Variants in MCTP1 observed in about 807,000 individuals in gnomAD.
The protein encoded by MCTP1 is multiple C2 and transmembrane domain containing 1.
Under a neutral mutation model 120.6 loss-of-function variants are expected in MCTP1, and 69 were observed. The observed-to-expected ratio is 0.57, with a 90% CI of 0.47 to 0.70. The LOEUF (loss-of-function observed/expected upper bound fraction) is 0.70. Among genes scored for constraint, MCTP1 ranks in the 30% least tolerant of loss-of-function variants. The probability of loss-of-function intolerance (pLI) is 0.00; values close to 1 mark genes in which losing one functional copy is unlikely to be tolerated. For missense variants in MCTP1, 1,203 were observed against 1,248.8 expected, an observed-to-expected ratio of 0.96 and a Z score of 0.55; for synonymous variants, 529 against 493.1, an observed-to-expected ratio of 1.07 and a Z score of -0.96.
intron 2 of MCTP1, among the ~76,000 whole-genome samples, chr5:94,999,600 C>G (rs993330017): frequency 6.6e-6 from 1 of 152,032 alleles, no homozygotes; most frequent in African/African-American, 2.4e-5. Flanking sequence ...TGCAAAGGCT[C>G]AATTAAAATT....
chr5:95,110,975 TC>T (rs1757408566), intron 1 of MCTP1, among the ~76,000 whole-genome samples: 1 of 152,152 alleles, frequency 6.6e-6, no homozygotes, highest in African/African-American at 2.4e-5. Flanking sequence ...AGTAGTAGGC[TC>T]CATGTGAGAG....
chr5:95,003,525 A>C (rs4307075), intron 2 of MCTP1, among the ~76,000 whole-genome samples: 11,264 of 152,274 alleles, frequency 0.074, 579 homozygotes, highest in East Asian at 0.1. Flanking sequence ...GCATGACCAA[A>C]ACTTATGTCT....
chr5:95,189,813 T>C (rs1324888354), intron 1 of MCTP1, among the ~76,000 whole-genome samples: 1 of 152,166 alleles, frequency 6.6e-6, no homozygotes, highest in Non-Finnish European at 1.5e-5. Flanking sequence ...ATTAGTGTTA[T>C]CTTCAAGACT....
intron 19 of MCTP1, among the ~76,000 whole-genome samples, chr5:94,757,307 G>T (rs964296955): frequency 1.3e-5 from 2 of 152,116 alleles, no homozygotes; most frequent in African/African-American, 4.8e-5. Context: ...TTAGATAAAC[G>T]GAAAGAACAT....
At chr5:95,216,643 G>GT (rs141219159) in intron 1 of MCTP1, among the ~76,000 whole-genome samples, 29,748 of 151,996 alleles carry the variant, frequency 0.2, 3,066 homozygotes, top group Non-Finnish European at 0.23. Flanking sequence ...AAGTAGCTAT[G>GT]GCAAGAGACA....
chr5:95,240,218 T>G (rs527912254), intron 1 of MCTP1, among the ~76,000 whole-genome samples: 1 of 152,318 alleles, frequency 6.6e-6, no homozygotes, highest in South Asian at 2.1e-4. Flanking sequence ...GAATTCAACA[T>G]TTGACATAAA....
At chr5:95,003,318 G>C (rs1834086780) in intron 2 of MCTP1, among the ~76,000 whole-genome samples, 1 of 152,028 alleles carries the variant, frequency 6.6e-6, no homozygotes, top group Non-Finnish European at 1.5e-5. Context: ...ACTTGCAATT[G>C]TGTTACAATT....
At chr5:94,953,841 ATACACAACT>A (rs1821320517) in intron 2 of MCTP1, among the ~76,000 whole-genome samples, 1 of 15,866 alleles carries the variant, frequency 6.3e-5, no homozygotes, top group Non-Finnish European at 1.2e-4. Flanking sequence ...ATATATATAT[ATACACAACT>A]ATATATATGC....
At chr5:94,730,816 A>G (rs1762975018) in intron 19 of MCTP1, among the ~76,000 whole-genome samples, 1 of 152,160 alleles carries the variant, frequency 6.6e-6, no homozygotes, top group Admixed American at 6.5e-5. Context: ...AATCTGAAGT[A>G]GATACTTGTC....
intron 1 of MCTP1, among the ~76,000 whole-genome samples, chr5:95,039,781 G>A (rs889088055): frequency 1.8e-4 from 27 of 146,414 alleles, no homozygotes; most frequent in African/African-American, 6.0e-4. Flanking sequence ...GCAAAAAAAT[G>A]CTTAGCTTAT....
chr5:94,803,413 G>T (rs1243683200), intron 17 of MCTP1, among the ~76,000 whole-genome samples: 1 of 152,176 alleles, frequency 6.6e-6, no homozygotes, highest in Non-Finnish European at 1.5e-5. Flanking sequence ...GAAAGAGAAC[G>T]GTGTTTGAAT....
At chr5:94,777,092 G>T (rs1775535137) in intron 19 of MCTP1, among the ~76,000 whole-genome samples, 1 of 152,034 alleles carries the variant, frequency 6.6e-6, no homozygotes, top group African/African-American at 2.4e-5. Flanking sequence ...CAAATAAAAG[G>T]GTTGGATTTA....
chr5:94,822,825 T>G (rs939951220), intron 17 of MCTP1, among the ~76,000 whole-genome samples: 2 of 152,238 alleles, frequency 1.3e-5, no homozygotes, highest in Admixed American at 1.3e-4. Flanking sequence ...GAGCTTTTTT[T>G]CATATGTTTG....
At chr5:94,740,068 C>T (rs1765161407) in intron 19 of MCTP1, among the ~76,000 whole-genome samples, 1 of 152,198 alleles carries the variant, frequency 6.6e-6, no homozygotes, top group South Asian at 2.1e-4. Flanking sequence ...TTTCTTGAAT[C>T]ATACACGTAT....
At chr5:94,852,854 G>T (rs1289698747) in intron 17 of MCTP1, among the ~76,000 whole-genome samples, 1 of 151,724 alleles carries the variant, frequency 6.6e-6, no homozygotes, top group Admixed American at 6.6e-5. Flanking sequence ...AAAACTTATT[G>T]GTAACATACT....
intron 1 of MCTP1, among the ~76,000 whole-genome samples, chr5:95,203,228 C>A (rs1959838302): frequency 6.6e-6 from 1 of 152,202 alleles, no homozygotes; most frequent in South Asian, 2.1e-4. Flanking sequence ...TTGAACGTTA[C>A]TTCCAACTGG....
At chr5:95,203,390 T>C (rs544547227) in intron 1 of MCTP1, among the ~76,000 whole-genome samples, 3 of 152,344 alleles carry the variant, frequency 2.0e-5, no homozygotes, top group South Asian at 4.1e-4. Context: ...GAAGGTATAA[T>C]TAAGGTAAAG....
intron 1 of MCTP1, among the ~76,000 whole-genome samples, chr5:95,108,812 C>T (rs529066190): frequency 9.2e-5 from 14 of 151,990 alleles, no homozygotes; most frequent in Non-Finnish European, 1.9e-4. Context: ...GAAAGAAATC[C>T]AAAAGAATCC....
intron 6 of MCTP1, among the ~76,000 whole-genome samples, chr5:94,926,225 C>T (rs1272221623): frequency 6.6e-6 from 1 of 152,124 alleles, no homozygotes; most frequent in East Asian, 1.9e-4. Context: ...ATAACACATA[C>T]TATTACAAAC....
Sources: gnomAD v4.1 joint callset for allele counts (sites outside exome capture counted in the v4.1 genomes callset) on GRCh38, gnomAD v4.1.1 for gene constraint, MANE v1.5 for transcripts, NCBI Gene and HGNC (gene_info 2026-07-23, HGNC 2026-07-21) for gene names.